Variants in TRPV1 observed in about 807,000 individuals in gnomAD.
TRPV1 encodes the protein transient receptor potential cation channel subfamily V member 1, also known as OTRPC1.
TRPV1 carries 82 observed loss-of-function variants against 82.3 expected under a neutral mutation model. That is an observed-to-expected ratio of 1.00 (90% CI 0.83 to 1.20). The LOEUF is 1.20. Among genes scored for constraint, TRPV1 ranks in the 50% most tolerant of loss-of-function variants. The pLI, the probability that TRPV1 is intolerant of heterozygous loss-of-function variation, is 0.00. For missense variants in TRPV1, 1,067 were observed against 1,096.8 expected (o/e 0.97, Z 0.38); for synonymous variants, 515 against 467.7 (o/e 1.10, Z -1.30).
chr17:3,609,271 G>A (rs575472187), intron 1 of TRPV1, 38 bp downstream of exon 1: 1 of 151,564 alleles, frequency 6.6e-6, no homozygotes, highest in South Asian at 2.1e-4. Context: ...CACATAATTT[G>A]TAAAATGACA....
At chr17:3,569,899 G>C (rs1433217718) in intron 16 of TRPV1, among the ~76,000 whole-genome samples, 1 of 150,714 alleles carries the variant, frequency 6.6e-6, no homozygotes, top group Non-Finnish European at 1.5e-5. Context: ...GGGCCAAGGG[G>C]TTAGGGGCCA....
intron 2 of TRPV1, chr17:3,596,994 G>A (rs2075225729): frequency 6.6e-6 from 1 of 152,340 alleles, no homozygotes; most frequent in Admixed American, 6.5e-5. Flanking sequence ...GGGAGAGCTG[G>A]GCTCGTGTGG....
chr17:3,594,235 G>A (rs1255360185), intron 2 of TRPV1, among the ~76,000 whole-genome samples: 1 of 151,278 alleles, frequency 6.6e-6, no homozygotes, highest in Non-Finnish European at 1.5e-5. Context: ...CATTTCCATA[G>A]GAAGTTAGGG....
intron 2 of TRPV1, among the ~76,000 whole-genome samples, chr17:3,605,204 T>C (rs1052823915): frequency 6.6e-6 from 1 of 152,126 alleles, no homozygotes; most frequent in Non-Finnish European, 1.5e-5. Flanking sequence ...GGGATAACAC[T>C]ACCCACCTTC....
chr17:3,593,081 CGTGTGTGTGTGTGT>C (rs57419633), intron 2 of TRPV1, among the ~76,000 whole-genome samples: 19,380 of 111,964 alleles, frequency 0.17, 1,494 homozygotes, highest in East Asian at 0.44. Context: ...AATGTTTAGG[CGTGTGTGTGTGTGT>C]GTGTGTGTGT....
At chr17:3,567,412 G>GAAAGAAA (rs1448622177) in intron 16 of TRPV1, among the ~76,000 whole-genome samples, 2 of 144,130 alleles carry the variant, frequency 1.4e-5, no homozygotes, top group Non-Finnish European at 3.1e-5. Context: ...AAGAAAGAAA[G>GAAAGAAA]AAAGAAAAAA....
chr17:3,584,340 T>C (rs1351167676), intron 9 of TRPV1, among the ~76,000 whole-genome samples: 3 of 142,904 alleles, frequency 2.1e-5, no homozygotes, highest in Non-Finnish European at 4.5e-5. Context: ...GAGGCAGAGC[T>C]TGCAGTGAGC....
At chr17:3,576,668 A>AAAAAAAAAAAATATATAT in intron 13 of TRPV1, among the ~76,000 whole-genome samples, 87 of 38,362 alleles carry the variant, frequency 2.3e-3, no homozygotes, top group Non-Finnish European at 2.6e-3. Flanking sequence ...AAAAAAAAAA[A>AAAAAAAAAAAATATATAT]ATATATATAT....
chr17:3,567,005 T>TA lies in TRPV1; in HGVS notation c.2348-19dup, dbSNP rs1291327669. ...GCCTGAAACTGAAGGGTAACACTATTACTACCTTGGATGCAACAAAACAAA... is the reference window on the plus strand; with the variant it reads ...GCCTGAAACTGAAGGGTAACACTATTAACTACCTTGGATGCAACAAAACAAA... On this transcript the variant is annotated intron_variant, in intron 16 of 16. Transcript: ENST00000572705. 1 of 1,612,570 alleles carries TA rather than the reference T, an allele frequency of 6.2e-7. No individual in the cohort carries two copies. Among genetic ancestry groups the TA allele is most frequent in the East Asian group, 2.2e-5 (1 of 44,842 alleles).
At chr17:3,571,820 G>A (rs1434857714) in intron 15 of TRPV1, among the ~76,000 whole-genome samples, 181 bp from the exon 16 acceptor site, 1 of 152,204 alleles carries the variant, frequency 6.6e-6, no homozygotes, top group African/African-American at 2.4e-5. Flanking sequence ...TGAGCACACT[G>A]TGAGGCCCAG....
chr17:3,606,634 G>A (rs894249171), intron 2 of TRPV1, among the ~76,000 whole-genome samples: 5 of 152,174 alleles, frequency 3.3e-5, no homozygotes, highest in South Asian at 2.1e-4. Context: ...GGTTGTGCAC[G>A]TGGTTGTGAC....
chr17:3,607,864 C>A (rs1426572156), intron 2 of TRPV1, among the ~76,000 whole-genome samples: 1 of 152,210 alleles, frequency 6.6e-6, no homozygotes, highest in Admixed American at 6.5e-5. Flanking sequence ...ACAATACACT[C>A]TAATAAAAGT....
At chr17:3,597,034 G>T (rs147659376) in intron 2 of TRPV1, 1 of 152,328 alleles carries the variant, frequency 6.6e-6, no homozygotes, top group African/African-American at 2.4e-5. Flanking sequence ...CCTCCGTGGG[G>T]TCCCGGGCCC....
At chr17:3,569,645 G>A (rs1313878713) in intron 16 of TRPV1, among the ~76,000 whole-genome samples, 2 of 152,186 alleles carry the variant, frequency 1.3e-5, no homozygotes, top group East Asian at 3.9e-4. Flanking sequence ...TCAGAGCACA[G>A]GGGAAGAGGA....
At chr17:3,586,069 G>T in intron 8 of TRPV1, 143 bp from the exon 9 acceptor site, 1 of 1,088,102 alleles carries the variant, frequency 9.2e-7, no homozygotes, top group Non-Finnish European at 1.3e-6. Context: ...GTCTGAGCCA[G>T]CCGGCAGCCA....
intron 13 of TRPV1, among the ~76,000 whole-genome samples, chr17:3,576,848 CAAAAAAA>C (rs989451980): frequency 7.7e-5 from 3 of 39,076 alleles, no homozygotes; most frequent in Non-Finnish European, 1.6e-4. Flanking sequence ...GACTCCATCT[CAAAAAAA>C]AAAAAAAAAA....
At chr17:3,575,392 A>C (rs915138279) in intron 13 of TRPV1, among the ~76,000 whole-genome samples, 1 of 152,022 alleles carries the variant, frequency 6.6e-6, no homozygotes, top group African/African-American at 2.4e-5. Context: ...CTGAGGCAGG[A>C]GAATTGCTTG....
intron 11 of TRPV1, among the ~76,000 whole-genome samples, chr17:3,579,373 C>A (rs561004906): frequency 2.8e-4 from 43 of 152,076 alleles, no homozygotes; most frequent in Non-Finnish European, 8.8e-5. Flanking sequence ...GACTGTGAGC[C>A]GAGATCCCAG....
chr17:3,589,015 G>T (rs892805684), intron 7 of TRPV1: 8 of 1,488,682 alleles, frequency 5.4e-6, no homozygotes, highest in Middle Eastern at 1.7e-4. Flanking sequence ...GCCAGATGGG[G>T]TGGCTCATGC....
Sources: allele counts gnomAD v4.1 joint callset (sites outside exome capture counted in the v4.1 genomes callset), GRCh38; gene constraint gnomAD v4.1.1; transcripts MANE v1.5; gene names NCBI Gene and HGNC (gene_info 2026-07-23, HGNC 2026-07-21).